The following C13orf42 variants were observed in gnomAD, a reference collection of about 807,000 sequenced individuals.
The protein encoded by C13orf42 is chromosome 13 open reading frame 42.
At chr13:51,147,217 C>G (rs1001421127) in intron 1 of C13orf42, among the ~76,000 whole-genome samples, 5 of 121,154 alleles carry the variant, frequency 4.1e-5, no homozygotes, top group Non-Finnish European at 7.0e-5. Flanking sequence ...AGACCTTGGA[C>G]TAGGTGTGGT....
At chr13:51,146,639 C>T in intron 1 of C13orf42, among the ~76,000 whole-genome samples, 1 of 152,006 alleles carries the variant, frequency 6.6e-6, no homozygotes, top group East Asian at 1.9e-4. Context: ...AAAGGACTCA[C>T]AGTGGGGAGG....
Position 51,161,382 on chromosome 13 carries a change from C to T in C13orf42, n.136+10871G>A, listed in dbSNP as rs553181005. 2.0e-4 allele frequency among the ~76,000 whole-genome samples: 30 copies of T among 152,112 alleles called. No homozygotes were observed. The South Asian group carries it at 6.0e-3, about 31-fold the overall frequency. On this transcript the variant is annotated intron_variant and non_coding_transcript_variant, in intron 1 of 4. Transcript: ENST00000433280. ...TAGCTAATGTTTTGACCCATGAGGG[C>T]CTTACCCACCCTGGAGAAACTGGAT...
intron 1 of C13orf42, among the ~76,000 whole-genome samples, chr13:51,167,600 A>G (rs1429504365): frequency 1.3e-5 from 2 of 152,148 alleles, no homozygotes; most frequent in Non-Finnish European, 2.9e-5. Flanking sequence ...AGGGAGAAAT[A>G]CCCTTGCTCA....
chr13:51,102,744 C>T (rs1953307213), intron 1 of C13orf42, among the ~76,000 whole-genome samples: 1 of 152,170 alleles, frequency 6.6e-6, no homozygotes, highest in African/African-American at 2.4e-5. Flanking sequence ...AAAGAAATAC[C>T]TGAGACTGGG....
chr13:51,143,429 T>A (rs1361329028), intron 1 of C13orf42, among the ~76,000 whole-genome samples: 1 of 151,224 alleles, frequency 6.6e-6, no homozygotes, highest in Non-Finnish European at 1.5e-5. Context: ...TAACAAGGTT[T>A]TCTTAAAGCA....
intron 1 of C13orf42, among the ~76,000 whole-genome samples, chr13:51,170,112 C>A (rs938321104): frequency 3.9e-5 from 6 of 152,120 alleles, no homozygotes; most frequent in Non-Finnish European, 7.4e-5. Context: ...GAGCACCTTG[C>A]GATCCCCACT....
intron 1 of C13orf42, among the ~76,000 whole-genome samples, chr13:51,089,111 G>A (rs187973409): frequency 1.3e-3 from 203 of 152,282 alleles, no homozygotes; most frequent in Non-Finnish European, 2.3e-3. Context: ...TATTTTATAT[G>A]GGCGTTTTGA....
chr13:51,100,450 T>TATAA (rs1422306723), intron 1 of C13orf42, among the ~76,000 whole-genome samples: 3 of 152,150 alleles, frequency 2.0e-5, no homozygotes, highest in African/African-American at 7.2e-5. Context: ...GAAGTGTCCC[T>TATAA]ATAAATAAAT....
At chr13:51,169,948 G>C (rs1953933682) in intron 1 of C13orf42, among the ~76,000 whole-genome samples, 1 of 152,222 alleles carries the variant, frequency 6.6e-6, no homozygotes, top group African/African-American at 2.4e-5. Flanking sequence ...AGTAACTGAA[G>C]AATCACAAAA....
intron 1 of C13orf42, among the ~76,000 whole-genome samples, chr13:51,125,255 C>T (rs549618541): frequency 6.6e-6 from 1 of 152,226 alleles, no homozygotes; most frequent in East Asian, 1.9e-4. Flanking sequence ...CGTGTCTATC[C>T]TGACCTATAA....
At chr13:51,107,905 GA>G (rs1953378146) in intron 1 of C13orf42, among the ~76,000 whole-genome samples, 1 of 152,166 alleles carries the variant, frequency 6.6e-6, no homozygotes, top group African/African-American at 2.4e-5. Context: ...TAATTCTATA[GA>G]GGGGTATATT....
chr13:51,147,981 A>G (rs1193396158), intron 1 of C13orf42, among the ~76,000 whole-genome samples: 1 of 151,986 alleles, frequency 6.6e-6, no homozygotes, highest in Non-Finnish European at 1.5e-5. Context: ...GACGTTTGCC[A>G]CTCTGTATAT....
intron 1 of C13orf42, among the ~76,000 whole-genome samples, chr13:51,171,390 T>G (rs925337795): frequency 2.6e-5 from 4 of 152,106 alleles, no homozygotes; most frequent in African/African-American, 9.7e-5. Context: ...CTTTTACACA[T>G]CAGTCCCTTC....
chr13:51,092,994 C>G (rs73188232), intron 1 of C13orf42, among the ~76,000 whole-genome samples: 3,117 of 152,120 alleles, frequency 0.02, 58 homozygotes, highest in Non-Finnish European at 0.034. Flanking sequence ...GTATCTTTAA[C>G]AGATAAGAGT....
At chr13:51,086,553 AT>A (rs1953130140) in intron 2 of C13orf42, among the ~76,000 whole-genome samples, 1 of 151,930 alleles carries the variant, frequency 6.6e-6, no homozygotes. Context: ...AAAAAGACAT[AT>A]CCCCAAATGT....
In C13orf42 at chr13:51,082,860, G is replaced by C. The variant is rs1420720113; in HGVS notation, c.*1291C>G. ...TAAGAATGCAATATAATTACTAGCT[G>C]TTTTTTATTTGTAAGAGTTACATAT... On this transcript the variant is annotated 3_prime_UTR_variant, in exon 4 of 4. Coordinates refer to ENST00000563710, the MANE Select transcript of C13orf42 (RefSeq NM_001351589.3). The C allele has an allele frequency of 6.6e-6, 1 of 152,154 alleles. No individual in the cohort carries two copies. The highest frequency in any genetic ancestry group is 1.5e-5 in the Non-Finnish European group (1 of 68,026). 9.4% of individuals were successfully genotyped at this position (152,154 alleles called of 1,614,324 possible).
At chr13:51,168,740 G>A (rs1953920743) in intron 1 of C13orf42, among the ~76,000 whole-genome samples, 1 of 152,190 alleles carries the variant, frequency 6.6e-6, no homozygotes, top group African/African-American at 2.4e-5. Flanking sequence ...AATCCCCAAT[G>A]TTGGAGGAGG....
At chr13:51,122,531 C>G (rs1337107480) in intron 1 of C13orf42, among the ~76,000 whole-genome samples, 1 of 136,590 alleles carries the variant, frequency 7.3e-6, no homozygotes, top group Non-Finnish European at 1.6e-5. Context: ...AAGAACTGTT[C>G]CAAAAAGAAA....
intron 1 of C13orf42, among the ~76,000 whole-genome samples, chr13:51,135,429 T>C (rs541502814): frequency 1.9e-4 from 29 of 152,070 alleles, no homozygotes; most frequent in African/African-American, 4.8e-4. Flanking sequence ...TCTGGGAGGA[T>C]TGCTTGAGGC....
Sources: allele counts gnomAD v4.1 joint callset (sites outside exome capture counted in the v4.1 genomes callset), GRCh38; gene constraint gnomAD v4.1.1; transcripts MANE v1.5; gene names NCBI Gene and HGNC (gene_info 2026-07-23, HGNC 2026-07-21).